The following EYS variants were observed in gnomAD, a reference collection of about 807,000 sequenced individuals.
The protein encoded by EYS is protein eyes shut homolog.
A neutral mutation model predicts 282.1 loss-of-function variants in EYS; 250 were observed. That is an observed-to-expected ratio of 0.89 (90% CI 0.80 to 0.98). The LOEUF (loss-of-function observed/expected upper bound fraction) is 0.98. EYS is among the 50% of genes least tolerant of loss of function. EYS has a pLI of 0.00. For missense variants in EYS, 4,016 were observed against 3,709.0 expected (o/e 1.08, Z -2.15); for synonymous variants, 1,355 against 1,282.9 (o/e 1.06, Z -1.20).
chr6:64,823,341 C>A (rs967421512), intron 19 of EYS, among the ~76,000 whole-genome samples: 4 of 151,646 alleles, frequency 2.6e-5, no homozygotes, highest in African/African-American at 4.8e-5. Context: ...TACCAAGAAC[C>A]ACCTCTATGC....
intron 29 of EYS, among the ~76,000 whole-genome samples, chr6:64,376,837 C>G (rs1271146959): frequency 1.3e-5 from 2 of 152,096 alleles, no homozygotes; most frequent in African/African-American, 2.4e-5. Context: ...TGACTTGCTT[C>G]CTTTCCTATA....
intron 22 of EYS, among the ~76,000 whole-genome samples, chr6:64,744,334 G>T (rs1473351938): frequency 6.6e-6 from 1 of 152,140 alleles, no homozygotes; most frequent in African/African-American, 2.4e-5. Context: ...GACTTGGAGT[G>T]AGAAACAGAT....
intron 26 of EYS, among the ~76,000 whole-genome samples, chr6:64,522,286 C>T (rs1254600876): frequency 1.3e-5 from 2 of 151,632 alleles, no homozygotes; most frequent in African/African-American, 4.8e-5. Context: ...CCATATATCA[C>T]ACATAGAAGC....
intron 31 of EYS, among the ~76,000 whole-genome samples, chr6:64,115,460 A>T (rs1773347947): frequency 6.6e-6 from 1 of 152,100 alleles, no homozygotes; most frequent in Non-Finnish European, 1.5e-5. Context: ...TTTCCCCATG[A>T]GAGAAAAAGA....
intron 28 of EYS, among the ~76,000 whole-genome samples, chr6:64,394,721 G>T (rs952249214): frequency 7.2e-5 from 11 of 152,048 alleles, no homozygotes; most frequent in African/African-American, 2.7e-4. Flanking sequence ...ATAGGCATGG[G>T]CAAGGACTTC....
At chr6:64,422,675 G>A (rs1774273486) in intron 28 of EYS, among the ~76,000 whole-genome samples, 1 of 152,122 alleles carries the variant, frequency 6.6e-6, no homozygotes, top group Non-Finnish European at 1.5e-5. Context: ...TATCACATTA[G>A]TGTAATAGAA....
chr6:64,646,259 T>C (rs1414070742), intron 22 of EYS, among the ~76,000 whole-genome samples: 1 of 152,102 alleles, frequency 6.6e-6, no homozygotes, highest in Non-Finnish European at 1.5e-5. Context: ...CTATTTTGAG[T>C]TGTGGATGGG....
intron 26 of EYS, among the ~76,000 whole-genome samples, chr6:64,520,174 T>C (rs375676486): frequency 1.1e-4 from 17 of 151,716 alleles, no homozygotes; most frequent in African/African-American, 3.9e-4. Context: ...TGTGTGGAGG[T>C]TGTCAGCTGG....
chr6:64,329,595 G>A (rs550974301), intron 29 of EYS, among the ~76,000 whole-genome samples: 6 of 152,228 alleles, frequency 3.9e-5, no homozygotes, highest in East Asian at 1.9e-4. Flanking sequence ...TCAGGCACCC[G>A]TAGTGGTGGA....
chr6:63,986,569 A>C (rs998197084), intron 34 of EYS, among the ~76,000 whole-genome samples: 2 of 151,888 alleles, frequency 1.3e-5, no homozygotes, highest in African/African-American at 4.8e-5. Flanking sequence ...TGGTACATAT[A>C]CACCATGGAT....
At chr6:65,375,044 C>G (rs1009756513) in intron 8 of EYS, among the ~76,000 whole-genome samples, 4 of 152,184 alleles carry the variant, frequency 2.6e-5, no homozygotes, top group Non-Finnish European at 5.9e-5. Context: ...AAGGGATAGA[C>G]TGCCTCCTCA....
intron 2 of EYS, among the ~76,000 whole-genome samples, chr6:65,523,001 TG>T (rs1216005673): frequency 6.6e-6 from 1 of 152,178 alleles, no homozygotes; most frequent in Non-Finnish European, 1.5e-5. Context: ...ATTTAATATC[TG>T]ATTATTTTGT....
chr6:64,464,141 A>G (rs771195140), intron 26 of EYS, among the ~76,000 whole-genome samples: 1 of 152,208 alleles, frequency 6.6e-6, no homozygotes, highest in African/African-American at 2.4e-5. Flanking sequence ...AGGATGGTTC[A>G]ACCTACCCAA....
intron 36 of EYS, among the ~76,000 whole-genome samples, chr6:63,816,071 A>G (rs953620936): frequency 1.3e-5 from 2 of 152,216 alleles, no homozygotes; most frequent in African/African-American, 2.4e-5. Flanking sequence ...GGGGACCACA[A>G]CACCACATGA....
At chr6:64,686,779 A>ATATATGTG (rs1554193069) in intron 22 of EYS, among the ~76,000 whole-genome samples, 3 of 23,520 alleles carry the variant, frequency 1.3e-4, no homozygotes, top group Admixed American at 3.9e-4. Flanking sequence ...ATATATATAT[A>ATATATGTG]TATATATATG....
chr6:64,564,777 G>A (rs1765512029), intron 26 of EYS, among the ~76,000 whole-genome samples: 1 of 151,752 alleles, frequency 6.6e-6, no homozygotes, highest in Non-Finnish European at 1.5e-5. Flanking sequence ...TCACACACTG[G>A]GGCCTGTAGG....
chr6:64,701,996 G>T (rs1413132296), intron 22 of EYS, among the ~76,000 whole-genome samples: 2 of 151,428 alleles, frequency 1.3e-5, no homozygotes, highest in Non-Finnish European at 3.0e-5. Flanking sequence ...AAAATAAAAT[G>T]CAGTAAATTT....
At chr6:64,229,479 T>C (rs1766352593) in intron 31 of EYS, among the ~76,000 whole-genome samples, 1 of 152,188 alleles carries the variant, frequency 6.6e-6, no homozygotes, top group African/African-American at 2.4e-5. Flanking sequence ...CATGATATTT[T>C]GCAAACACAT....
rs564288806 is a variant in EYS, at chr6:65,080,926, T to C, written c.2024-23199A>G. On this transcript the variant is annotated intron_variant, in intron 12 of 42. Coordinates refer to ENST00000503581, the MANE Select transcript of EYS (RefSeq NM_001142800.2). Reference sequence around the variant, plus strand: ...GAACAACCTGGTATCTTTATCTATGTTTAAAAATACATCTCTTCAGGGGAG... The same window carrying C: ...GAACAACCTGGTATCTTTATCTATGCTTAAAAATACATCTCTTCAGGGGAG... 5.9e-5 allele frequency among the ~76,000 whole-genome samples: 9 copies of C among 152,236 alleles called. No individual in the cohort carries two copies. The South Asian group carries it at 1.7e-3, about 28-fold the overall frequency.
Sources: allele counts gnomAD v4.1 joint callset (sites outside exome capture counted in the v4.1 genomes callset), GRCh38; gene constraint gnomAD v4.1.1; transcripts MANE v1.5; gene names NCBI Gene and HGNC (gene_info 2026-07-23, HGNC 2026-07-21).